Variants in SOX5 observed in about 807,000 individuals in gnomAD.
SOX5 encodes the protein SRY-box transcription factor 5, also known as transcription factor SOX-5.
In SOX5, 9 loss-of-function variants were observed where a neutral mutation model predicts 92.0. The ratio of observed to expected loss-of-function variants is 0.10; its 90% CI spans 0.06 to 0.17. The LOEUF (loss-of-function observed/expected upper bound fraction) is 0.17, where lower values mean the gene tolerates loss of function less well. Among genes scored for constraint, SOX5 ranks in the 10% least tolerant of loss-of-function variants. The pLI, the probability that SOX5 is intolerant of heterozygous loss-of-function variation, is 1.00. For synonymous variants in SOX5, 344 were observed against 336.3 expected (o/e 1.02, Z -0.25); for missense variants, 642 against 944.5 (o/e 0.68, Z 4.20).
intron 11 of SOX5, among the ~76,000 whole-genome samples, chr12:23,550,370 A>C (rs1307107645): frequency 6.6e-6 from 1 of 151,950 alleles, no homozygotes; most frequent in Non-Finnish European, 1.5e-5. Context: ...CTCGAGTCCC[A>C]GAATCCTAAT....
intron 4 of SOX5, among the ~76,000 whole-genome samples, chr12:24,157,856 A>G (rs1436153756): frequency 6.6e-6 from 1 of 152,100 alleles, no homozygotes; most frequent in African/African-American, 2.4e-5. Flanking sequence ...TTCTGCCTCC[A>G]TGAGTCAGAG....
chr12:23,577,014 G>A (rs1179607780), intron 9 of SOX5, among the ~76,000 whole-genome samples: 1 of 150,742 alleles, frequency 6.6e-6, no homozygotes, highest in East Asian at 1.9e-4. Context: ...GTAGTCAGGT[G>A]ACATTAAAGT....
chr12:24,485,506 C>A (rs1460157277), intron 1 of SOX5, among the ~76,000 whole-genome samples: 1 of 152,148 alleles, frequency 6.6e-6, no homozygotes, highest in East Asian at 1.9e-4. Flanking sequence ...TTCGCAGTTT[C>A]TCTGCCTTTG....
intron 4 of SOX5, among the ~76,000 whole-genome samples, chr12:24,046,879 G>T (rs1010653152): frequency 1.8e-4 from 27 of 151,466 alleles, no homozygotes; most frequent in African/African-American, 6.3e-4. Flanking sequence ...TAGAGATAGG[G>T]TATCACCATG....
chr12:23,593,099 A>G (rs1261550488), intron 9 of SOX5, among the ~76,000 whole-genome samples: 3 of 152,094 alleles, frequency 2.0e-5, no homozygotes, highest in Non-Finnish European at 4.4e-5. Context: ...AAATAAATAA[A>G]TAAATTACTG....
intron 4 of SOX5, among the ~76,000 whole-genome samples, chr12:24,190,242 G>C (rs142691023): frequency 1.3e-5 from 2 of 152,038 alleles, no homozygotes; most frequent in Non-Finnish European, 2.9e-5. Flanking sequence ...AAATGGATCC[G>C]CTAGAGAAAG....
At chr12:24,550,000 T>C (rs1369549417) in intron 1 of SOX5, among the ~76,000 whole-genome samples, 1 of 152,184 alleles carries the variant, frequency 6.6e-6, no homozygotes, top group Non-Finnish European at 1.5e-5. Flanking sequence ...GGACTAAAAA[T>C]ATATTTTTCT....
At chr12:24,221,564 A>G (rs1420472733) in intron 3 of SOX5, among the ~76,000 whole-genome samples, 2 of 152,174 alleles carry the variant, frequency 1.3e-5, no homozygotes, top group African/African-American at 4.8e-5. Flanking sequence ...TAAGGTTGTT[A>G]TAAGTTTAAA....
At chr12:24,242,635 T>G (rs1328285707) in intron 3 of SOX5, among the ~76,000 whole-genome samples, 1 of 146,158 alleles carries the variant, frequency 6.8e-6, no homozygotes, top group Non-Finnish European at 1.5e-5. Context: ...AAATGAAAAC[T>G]CCAATAAGAT....
intron 4 of SOX5, among the ~76,000 whole-genome samples, chr12:23,995,314 G>T (rs1950932805): frequency 6.6e-6 from 1 of 152,122 alleles, no homozygotes; most frequent in Admixed American, 6.6e-5. Context: ...TTAGTAGTTT[G>T]TAAGTAAACA....
chr12:24,196,430 C>G (rs1294922898), intron 4 of SOX5, among the ~76,000 whole-genome samples: 1 of 152,138 alleles, frequency 6.6e-6, no homozygotes, highest in Non-Finnish European at 1.5e-5. Flanking sequence ...GAAATAAACT[C>G]TATGGACAGG....
At chr12:24,354,980 A>G (rs2141204430) in intron 2 of SOX5, among the ~76,000 whole-genome samples, 1 of 152,328 alleles carries the variant, frequency 6.6e-6, no homozygotes, top group South Asian at 2.1e-4. Context: ...AAGCTAATAT[A>G]AAACAATGTG....
intron 1 of SOX5, among the ~76,000 whole-genome samples, chr12:23,934,866 C>T (rs1016504121): frequency 6.6e-6 from 1 of 151,142 alleles, no homozygotes; most frequent in Admixed American, 6.6e-5. Context: ...ATGTAAATCG[C>T]AAAGATCACA....
Position 23,882,803 on chromosome 12 carries a change from A to G in SOX5, c.270+12990T>C, listed in dbSNP as rs143084939. On this transcript the variant is annotated intron_variant, in intron 2 of 14. Transcript: ENST00000451604. ...ATTACAATTAAAGTGTCTTCCGTGCACACAGGCTTTGGAGACATTCATGAA... is the reference window on the plus strand; with the variant it reads ...ATTACAATTAAAGTGTCTTCCGTGCGCACAGGCTTTGGAGACATTCATGAA... 4.7e-3 allele frequency among the ~76,000 whole-genome samples: 719 copies of G among 152,324 alleles called. 8 individuals carry two copies. The highest frequency in any genetic ancestry group is 0.016 in the African/African-American group (682 of 41,584).
At chr12:23,913,925 T>C (rs1359079649) in intron 1 of SOX5, among the ~76,000 whole-genome samples, 4 of 152,178 alleles carry the variant, frequency 2.6e-5, no homozygotes, top group Admixed American at 6.5e-5. Context: ...TATTTTATTA[T>C]CCAATAGCTT....
intron 1 of SOX5, among the ~76,000 whole-genome samples, chr12:24,371,145 T>A (rs534434968): frequency 6.6e-6 from 1 of 152,280 alleles, no homozygotes. Flanking sequence ...AAAATGGAGA[T>A]CTGAAGCACG....
At position 23,593,409 on chromosome 12, in the gene SOX5, A is replaced by G. The variant is rs141519500; in HGVS notation, c.1164+10978T>C. Among the ~76,000 whole-genome samples the G allele has an allele frequency of 1.2e-4, 19 of 152,338 alleles. No homozygotes were observed. The East Asian group carries it at 3.5e-3, about 28-fold the overall frequency. The stretch of plus-strand genomic sequence containing the variant: ...GCAGTAATGAGAAACCATATGAATA[A>G]TGATGGAGAACCTCATTTTCTTATA... On this transcript the variant is annotated intron_variant, in intron 9 of 14. Transcript: ENST00000451604.
intron 2 of SOX5, among the ~76,000 whole-genome samples, chr12:24,355,659 TTAAA>T (rs1954746561): frequency 6.6e-6 from 1 of 152,216 alleles, no homozygotes; most frequent in East Asian, 1.9e-4. Flanking sequence ...TTTTTCCTAA[TTAAA>T]TGTTTTCTGT....
At chr12:23,830,433 G>C (rs546944313) in intron 3 of SOX5, among the ~76,000 whole-genome samples, 2 of 152,036 alleles carry the variant, frequency 1.3e-5, no homozygotes, top group Non-Finnish European at 2.9e-5. Flanking sequence ...CAACAGCAGC[G>C]GGAGTGTGAG....
Sources: allele counts gnomAD v4.1 joint callset (sites outside exome capture counted in the v4.1 genomes callset), GRCh38; gene constraint gnomAD v4.1.1; transcripts MANE v1.5; gene names NCBI Gene and HGNC (gene_info 2026-07-23, HGNC 2026-07-21).